Variants in PLEKHA2 observed in about 807,000 individuals in gnomAD.
PLEKHA2 encodes pleckstrin homology domain-containing family A member 2.
A neutral mutation model predicts 53.2 loss-of-function variants in PLEKHA2; 28 were observed. That is an observed-to-expected ratio of 0.53 (90% confidence interval 0.39 to 0.72). The LOEUF (loss-of-function observed/expected upper bound fraction) is 0.72, where lower values mean the gene tolerates loss of function less well. Among genes scored for constraint, PLEKHA2 ranks in the 30% least tolerant of loss-of-function variants. The probability of loss-of-function intolerance (pLI) is 0.00; values close to 1 mark genes in which losing one functional copy is unlikely to be tolerated. For missense variants in PLEKHA2, 426 were observed against 537.9 expected (o/e 0.79, Z 2.06); for synonymous variants, 193 against 196.4 (o/e 0.98, Z 0.14).
In PLEKHA2 at chr8:38,932,337, T is replaced by G. The variant is rs1834409325; in HGVS notation, c.142-3657T>G. Reference sequence around the variant, plus strand: ...AAACAAGCTCTCCAGGAGATTCTGGTGTGCACCAAAGTTGGAGAAGGATTT... The same window carrying G: ...AAACAAGCTCTCCAGGAGATTCTGGGGTGCACCAAAGTTGGAGAAGGATTT... On this transcript the variant is annotated intron_variant, in intron 2 of 11. Coordinates refer to ENST00000617275, the MANE Select transcript of PLEKHA2 (RefSeq NM_021623.2). Among the ~76,000 whole-genome samples, 5 of 152,200 alleles carry G rather than the reference T, an allele frequency of 3.3e-5. No individual in the cohort carries two copies. The South Asian group carries it at 1.0e-3, about 32-fold the overall frequency.
intron 3 of PLEKHA2, 125 bp from the exon 4 acceptor site, chr8:38,943,664 T>A: frequency 2.8e-6 from 2 of 705,786 alleles, no homozygotes; most frequent in Non-Finnish European, 4.4e-6. Context: ...TTCATTTAAT[T>A]ATTATTTTTT....
chr8:38,950,812 T>TTC (rs769430146), intron 5 of PLEKHA2, 38 bp from the exon 6 acceptor site: 132 of 1,596,136 alleles, frequency 8.3e-5, no homozygotes, highest in Non-Finnish European at 1.1e-4. Flanking sequence ...TTCCTAAATG[T>TTC]TCTGTTCCCC....
intron 5 of PLEKHA2, among the ~76,000 whole-genome samples, chr8:38,948,940 G>A (rs1165106233): frequency 1.3e-5 from 2 of 152,064 alleles, no homozygotes; most frequent in African/African-American, 2.4e-5. Flanking sequence ...GCGTGATCTC[G>A]GCTCACTGCA....
intron 2 of PLEKHA2, among the ~76,000 whole-genome samples, chr8:38,934,982 C>T (rs1008192623): frequency 3.9e-5 from 6 of 152,078 alleles, no homozygotes; most frequent in African/African-American, 1.4e-4. Flanking sequence ...ATACCAGGGA[C>T]AATTAATTCC....
At chr8:38,951,311 C>A (rs1417510945) in intron 6 of PLEKHA2, among the ~76,000 whole-genome samples, 2 of 152,138 alleles carry the variant, frequency 1.3e-5, no homozygotes, top group Admixed American at 1.3e-4. Context: ...AGGCTGGAAA[C>A]CAGCCTGGTG....
rs1835215437 is a variant in PLEKHA2, at chr8:38,969,940, G to GGT, written c.*157_*158insGT. On this transcript the variant is annotated 3_prime_UTR_variant, in exon 12 of 12. Coordinates refer to ENST00000617275, the MANE Select transcript of PLEKHA2 (RefSeq NM_021623.2). ...GGGAGGGAGGGGCCCATCCAGCTGGGCTGTGTGTGTGTGTGTGTGTGTGTG... is the reference window on the plus strand; with the variant it reads ...GGGAGGGAGGGGCCCATCCAGCTGGGGTCTGTGTGTGTGTGTGTGTGTGTGTG... The GGT allele has an allele frequency of 3.6e-6, 3 of 825,726 alleles. No homozygotes were observed. In the South Asian group the frequency reaches 5.4e-5, roughly 15 times the overall value. The allele number at this position is 825,726 out of a possible 1,614,324, so 51.1% of individuals were successfully genotyped here.
chr8:38,918,313 A>C (rs1834099818), intron 2 of PLEKHA2, among the ~76,000 whole-genome samples: 1 of 149,972 alleles, frequency 6.7e-6, no homozygotes, highest in Non-Finnish European at 1.5e-5. Context: ...CACACACACC[A>C]CACACACACT....
chr8:38,949,274 C>A (rs1461753283), intron 5 of PLEKHA2, among the ~76,000 whole-genome samples: 1 of 151,284 alleles, frequency 6.6e-6, no homozygotes, highest in Non-Finnish European at 1.5e-5. Context: ...TCAGCATTTG[C>A]AGACTCTAGT....
At chr8:38,913,604 GT>G (rs1833987830) in intron 1 of PLEKHA2, among the ~76,000 whole-genome samples, 1 of 152,144 alleles carries the variant, frequency 6.6e-6, no homozygotes, top group Non-Finnish European at 1.5e-5. Flanking sequence ...AGTTTGCCTG[GT>G]TTTCTTGAGG....
In PLEKHA2 at chr8:38,969,785, G is replaced by A; in HGVS notation, c.*2G>A. The stretch of plus-strand genomic sequence containing the variant: ...AACATACGGACCTCTGATGTGTGAT[G>A]GAGCACAGTGCCATGGGAGGGAGGG... On this transcript the variant is annotated 3_prime_UTR_variant, in exon 12 of 12. Coordinates refer to ENST00000617275, the MANE Select transcript of PLEKHA2 (RefSeq NM_021623.2). The A allele has an allele frequency of 6.5e-7, 1 of 1,547,738 alleles. No individual in the cohort carries two copies.
At chr8:38,923,236 A>C (rs1834224263) in intron 2 of PLEKHA2, among the ~76,000 whole-genome samples, 1 of 152,212 alleles carries the variant, frequency 6.6e-6, no homozygotes, top group South Asian at 2.1e-4. Flanking sequence ...TCATATGGAA[A>C]GTTCTCATGC....
intron 5 of PLEKHA2, among the ~76,000 whole-genome samples, chr8:38,950,072 G>T (rs1006310963): frequency 3.3e-5 from 5 of 152,056 alleles, no homozygotes; most frequent in Admixed American, 3.3e-4. Context: ...TCGAGACAGG[G>T]TCTCTGTCAC....
At chr8:38,913,430 G>A (rs1255477206) in intron 1 of PLEKHA2, among the ~76,000 whole-genome samples, 1 of 151,142 alleles carries the variant, frequency 6.6e-6, no homozygotes, top group Non-Finnish European at 1.5e-5. Flanking sequence ...GGGGAAATTT[G>A]AAAGCCAATG....
At chr8:38,932,983 A>T (rs969870702) in intron 2 of PLEKHA2, among the ~76,000 whole-genome samples, 11 of 152,100 alleles carry the variant, frequency 7.2e-5, no homozygotes, top group Admixed American at 1.3e-4. Flanking sequence ...GAACAGGGAG[A>T]GCTGCCAGGG....
chr8:38,967,174 C>A (rs1049442764), intron 10 of PLEKHA2, among the ~76,000 whole-genome samples: 5 of 152,150 alleles, frequency 3.3e-5, no homozygotes, highest in Non-Finnish European at 7.3e-5. Flanking sequence ...ACCACATTTT[C>A]TTTATCGAGT....
chr8:38,952,594 G>A (rs1834866176), intron 7 of PLEKHA2, 42 bp from the exon 8 acceptor site: 11 of 1,576,292 alleles, frequency 7.0e-6, no homozygotes, highest in Non-Finnish European at 7.8e-6. Context: ...ACAATGCTGG[G>A]CACCTCTCGC....
intron 5 of PLEKHA2, among the ~76,000 whole-genome samples, chr8:38,948,085 C>CAAA (rs386412587): frequency 0.31 from 36,329 of 118,312 alleles, 5,397 homozygotes; most frequent in Non-Finnish European, 0.35. Context: ...GACTCCATCT[C>CAAA]AAAAAAAAAA....
At chr8:38,958,214 T>C (rs1371966860) in intron 10 of PLEKHA2, among the ~76,000 whole-genome samples, 1 of 151,986 alleles carries the variant, frequency 6.6e-6, no homozygotes, top group Non-Finnish European at 1.5e-5. Flanking sequence ...TCCCAGCTGC[T>C]TGGGAGGCTG....
chr8:38,914,851 A>C (rs1023884826), intron 1 of PLEKHA2, among the ~76,000 whole-genome samples: 1 of 152,218 alleles, frequency 6.6e-6, no homozygotes, highest in Non-Finnish European at 1.5e-5. Context: ...GGTGTGGCTC[A>C]TCCCACATTA....
Sources: gnomAD v4.1 joint callset for allele counts (sites outside exome capture counted in the v4.1 genomes callset) on GRCh38, gnomAD v4.1.1 for gene constraint, MANE v1.5 for transcripts, NCBI Gene and HGNC (gene_info 2026-07-23, HGNC 2026-07-21) for gene names.